PDE4DIP: variants seen among roughly 807,000 people sequenced by gnomAD.
PDE4DIP encodes the protein phosphodiesterase 4D interacting protein, also known as myomegalin.
A neutral mutation model predicts 221.4 loss-of-function variants in PDE4DIP; 59 were observed. The observed-to-expected ratio is 0.27, with a 90% CI of 0.22 to 0.33. The LOEUF (loss-of-function observed/expected upper bound fraction) is 0.33, where lower values mean the gene tolerates loss of function less well. PDE4DIP is among the 10% of genes least tolerant of loss of function. The pLI, the probability that PDE4DIP is intolerant of heterozygous loss-of-function variation, is 1.00. For missense variants in PDE4DIP, 1,036 were observed against 2,154.2 expected, an observed-to-expected ratio of 0.48 and a Z score of 10.28; for synonymous variants, 404 against 815.9, an observed-to-expected ratio of 0.50 and a Z score of 8.60.
exon 18 of PDE4DIP, chr1:148,977,941 AACTTTCTGCTCT>A: frequency 6.2e-7 from 1 of 1,611,580 alleles, no homozygotes; most frequent in East Asian, 2.2e-5. Flanking sequence ...TCACAGATGG[AACTTTCTGCTCT>A]ACAGTCCATG....
At chr1:149,028,616 T>C (rs2075857823) in exon 41 of PDE4DIP, 1 of 1,608,260 alleles carries the variant, frequency 6.2e-7, no homozygotes, top group Non-Finnish European at 8.5e-7. Flanking sequence ...CCCTGCACCA[T>C]GCCCTAGAGG....
chr1:148,953,989 AG>A (rs1282880409), intron 5 of PDE4DIP: 114 of 761,614 alleles, frequency 1.5e-4, no homozygotes, highest in Non-Finnish European at 2.1e-4. Flanking sequence ...GGTGGAGGTT[AG>A]AAATATTCTG....
chr1:149,022,890 A>G (rs1235013669), intron 37 of PDE4DIP, among the ~76,000 whole-genome samples: 1 of 151,812 alleles, frequency 6.6e-6, no homozygotes, highest in African/African-American at 2.4e-5. Flanking sequence ...TGGCACATTA[A>G]GAGATGACAG....
At chr1:148,958,916 TC>T (rs1202413923) in intron 5 of PDE4DIP, among the ~76,000 whole-genome samples, 3 of 151,916 alleles carry the variant, frequency 2.0e-5, no homozygotes, top group African/African-American at 7.3e-5. Flanking sequence ...CTTTCTCTTT[TC>T]CAGGCTCATA....
intron 37 of PDE4DIP, among the ~76,000 whole-genome samples, chr1:149,022,874 A>T (rs1447777945): frequency 1.3e-5 from 2 of 151,894 alleles, no homozygotes; most frequent in East Asian, 3.9e-4. Flanking sequence ...GGGTCTAGTG[A>T]TATTCTGGCA....
intron 1 of PDE4DIP, among the ~76,000 whole-genome samples, chr1:148,827,605 T>C (rs1233292460): frequency 2.9e-5 from 3 of 104,860 alleles, no homozygotes; most frequent in Non-Finnish European, 6.5e-5. Flanking sequence ...TTTTAAATAT[T>C]CTTAGGAGAT....
At chr1:149,029,191 G>C (rs1357078537) in intron 41 of PDE4DIP, among the ~76,000 whole-genome samples, 2 of 152,166 alleles carry the variant, frequency 1.3e-5, no homozygotes, top group African/African-American at 4.8e-5. Flanking sequence ...CCTGGGGAAA[G>C]TCAGCCACCC....
Position 149,010,436 on chromosome 1 carries a change from T to C in PDE4DIP, c.4928-7T>C. 1 of 1,613,172 alleles carries C rather than the reference T, an allele frequency of 6.2e-7. No homozygotes were observed. The highest frequency in any genetic ancestry group is 1.1e-5 in the South Asian group (1 of 91,008). On this transcript the variant is annotated splice_polypyrimidine_tract_variant and splice_region_variant and intron_variant, in intron 30 of 43. Transcript: ENST00000369354. ...CATACGTTTTCTTTCATTCATGGAT[T>C]TTATAGATTCCATCCATCATTCGAG... is the stretch of plus-strand genomic sequence containing the variant.
chr1:148,875,875 G>A (rs1410849520), intron 3 of PDE4DIP, among the ~76,000 whole-genome samples: 8 of 152,402 alleles, frequency 5.2e-5, no homozygotes, highest in African/African-American at 1.2e-4. Flanking sequence ...GCAGTAAGCC[G>A]AGATCGAGCC....
rs1462877458 is a variant in PDE4DIP at position 148,976,691 on chromosome 1, A to G, written c.2320-1246A>G. Among the ~76,000 whole-genome samples the G allele has an allele frequency of 2.0e-5, 3 of 151,584 alleles. No individual in the cohort carries two copies. In the South Asian group the frequency reaches 6.3e-4, roughly 32 times the overall value. ...ATAGTTATAGAGTATAGTAAGTGAT[A>G]TGAGGGAAATGATAGAAAGCAACAT... On this transcript the variant is annotated intron_variant, in intron 17 of 43. Transcript: ENST00000369354.
At chr1:148,906,915 G>T (rs1340189050) in intron 1 of PDE4DIP, among the ~76,000 whole-genome samples, 3 of 149,004 alleles carry the variant, frequency 2.0e-5, no homozygotes, top group East Asian at 3.9e-4. Context: ...TGGGCATGGT[G>T]GTGCACACCT....
At chr1:148,924,572 C>CTATTT (rs2046282174) in intron 1 of PDE4DIP, among the ~76,000 whole-genome samples, 1 of 150,666 alleles carries the variant, frequency 6.6e-6, no homozygotes, top group Non-Finnish European at 1.5e-5. Flanking sequence ...GTTGGGGAAA[C>CTATTT]CAGATATGAG....
At chr1:148,985,589 A>G (rs1362772995) in intron 21 of PDE4DIP, 11 of 152,216 alleles carry the variant, frequency 7.2e-5, no homozygotes, top group East Asian at 1.9e-4. Context: ...TTTGTCTCCA[A>G]CAAAGAATGG....
chr1:149,031,920 G>C (rs2076853498), intron 43 of PDE4DIP, 24 bp from the exon 47 acceptor site: 1 of 1,595,502 alleles, frequency 6.3e-7, no homozygotes, highest in East Asian at 2.2e-5. Context: ...ACACTGATTT[G>C]GTTTGTTTTA....
At position 149,031,829 on chromosome 1, in the gene PDE4DIP, G is replaced by A. The variant is rs2076812678; in HGVS notation, c.7000-115G>A. On this transcript the variant is annotated intron_variant, in intron 43 of 43. Transcript: ENST00000369354. ...TGCTCTTAGCTCATCCTCTTAACTG[G>A]CTCTCACCGTGCTCCTGGCTTTGGT... The A allele has an allele frequency of 4.4e-6, 4 of 910,186 alleles. No individual in the cohort carries two copies. The African/African-American group carries it at 4.9e-5, about 11-fold the overall frequency. 56.4% of individuals were successfully genotyped at this position (910,186 alleles called of 1,614,324 possible).
At chr1:148,969,787 A>G (rs1412744682) in intron 14 of PDE4DIP, among the ~76,000 whole-genome samples, 1 of 151,194 alleles carries the variant, frequency 6.6e-6, no homozygotes, top group Non-Finnish European at 1.5e-5. Flanking sequence ...GCTCACTGCA[A>G]CCTCTGCCTC....
At chr1:148,963,748 C>CTTTTTTTTTTTTTTT (rs66921099) in intron 9 of PDE4DIP, among the ~76,000 whole-genome samples, 2 of 89,162 alleles carry the variant, frequency 2.2e-5, no homozygotes, top group Non-Finnish European at 4.1e-5. Context: ...TTCTTTCCTT[C>CTTTTTTTTTTTTTTT]TTTTTTTTTT....
chr1:148,999,824 C>T (rs2065192981), intron 23 of PDE4DIP, among the ~76,000 whole-genome samples: 1 of 152,116 alleles, frequency 6.6e-6, no homozygotes, highest in African/African-American at 2.4e-5. Flanking sequence ...ACCCTCCACC[C>T]AACCTACAGA....
At chr1:148,986,008 C>CATGTTTT in intron 21 of PDE4DIP, 1 of 152,274 alleles carries the variant, frequency 6.6e-6, no homozygotes, top group Non-Finnish European at 1.5e-5. Flanking sequence ...TTTATACCAG[C>CATGTTTT]ATGTTTTATA....
Sources: allele counts gnomAD v4.1 joint callset (sites outside exome capture counted in the v4.1 genomes callset), GRCh38; gene constraint gnomAD v4.1.1; transcripts MANE v1.5; gene names NCBI Gene and HGNC (gene_info 2026-07-23, HGNC 2026-07-21).